Variants in EVL observed in about 807,000 individuals in gnomAD.
The protein encoded by EVL is ena/VASP-like protein.
A neutral mutation model predicts 59.6 loss-of-function variants in EVL; 21 were observed. The observed-to-expected ratio is 0.35, with a 90% CI of 0.25 to 0.51. EVL has a LOEUF of 0.51. Among genes scored for constraint, EVL ranks in the 20% least tolerant of loss-of-function variants. The pLI is 0.97. For synonymous variants in EVL, 198 were observed against 203.5 expected (o/e 0.97, Z 0.23); for missense variants, 462 against 546.6 (o/e 0.85, Z 1.54).
intron 1 of EVL, among the ~76,000 whole-genome samples, chr14:100,039,281 T>C (rs373456423): frequency 6.6e-6 from 1 of 152,236 alleles, no homozygotes; most frequent in Non-Finnish European, 1.5e-5. Flanking sequence ...TTGTTCCCCA[T>C]GCTGGAGTGC....
rs1888094984 is a variant in EVL at position 100,126,713 on chromosome 14, G to A, written c.429G>A (p.Val143=). The part of the protein sequence containing the change: ...PDEMDIQRRQ[V]MEQHQQQRQE... Reference sequence around the variant, plus strand: ...TGCTGTGATTACTTTCCAGACAAGTGATGGAGCAGCACCAGCAGCAGCGTC... The same window carrying A: ...TGCTGTGATTACTTTCCAGACAAGTAATGGAGCAGCACCAGCAGCAGCGTC... The change falls in exon 5 of 14, where the codon GTG becomes GTA. Residue 143 remains valine (V), a synonymous_variant. Coordinates refer to ENST00000392920, the MANE Select transcript of EVL (RefSeq NM_016337.3). The A allele has an allele frequency of 1.2e-6, 2 of 1,613,988 alleles. No individual in the cohort carries two copies. Among genetic ancestry groups the A allele is most frequent in the African/African-American group, 2.7e-5 (2 of 74,922 alleles).
At chr14:100,016,427 G>A (rs1417950987) in intron 1 of EVL, among the ~76,000 whole-genome samples, 1 of 152,120 alleles carries the variant, frequency 6.6e-6, no homozygotes, top group Non-Finnish European at 1.5e-5. Context: ...TACTCGGGAG[G>A]CTGAAGCACG....
intron 2 of EVL, among the ~76,000 whole-genome samples, chr14:100,094,015 T>C (rs372128948): frequency 2.6e-5 from 4 of 152,314 alleles, no homozygotes; most frequent in South Asian, 4.1e-4. Context: ...TATGTATGTA[T>C]AGGAAAAAAC....
chr14:99,999,843 T>C (rs987188007), intron 1 of EVL, among the ~76,000 whole-genome samples: 1 of 152,212 alleles, frequency 6.6e-6, no homozygotes, highest in Admixed American at 6.5e-5. Context: ...GATCAACAGA[T>C]GCCCTCAGGG....
chr14:100,085,087 G>A (rs533365110), intron 2 of EVL: 43 of 433,838 alleles, frequency 9.9e-5, no homozygotes, highest in Non-Finnish European at 1.2e-4. Flanking sequence ...ACAGTAATCC[G>A]CACCCTGCCT....
intron 1 of EVL, among the ~76,000 whole-genome samples, chr14:99,981,401 G>T (rs1047996747): frequency 6.6e-6 from 1 of 151,992 alleles, no homozygotes; most frequent in African/African-American, 2.4e-5. Context: ...ATTGCACTCC[G>T]GCCTGGGCAA....
At chr14:100,132,167 A>G (rs1410303037) in intron 7 of EVL, among the ~76,000 whole-genome samples, 2 of 151,374 alleles carry the variant, frequency 1.3e-5, no homozygotes, top group South Asian at 4.2e-4. Flanking sequence ...AGGTGCACGA[A>G]CCGACTCAAG....
chr14:100,098,913 T>G (rs1275606729), intron 3 of EVL, among the ~76,000 whole-genome samples: 1 of 152,188 alleles, frequency 6.6e-6, no homozygotes, highest in African/African-American at 2.4e-5. Context: ...TCAGGTTGCC[T>G]GGCCTAGTAA....
intron 1 of EVL, among the ~76,000 whole-genome samples, chr14:99,999,372 C>T (rs1035990559): frequency 6.6e-6 from 1 of 152,216 alleles, no homozygotes; most frequent in African/African-American, 2.4e-5. Flanking sequence ...ACCTCTCTGT[C>T]CCTCAGGTTC....
chr14:100,131,423 C>G (rs1277142954), intron 7 of EVL, among the ~76,000 whole-genome samples: 2 of 152,184 alleles, frequency 1.3e-5, no homozygotes, highest in Non-Finnish European at 2.9e-5. Flanking sequence ...CTGGGTGGAG[C>G]CGACGATGAA....
intron 1 of EVL, chr14:99,977,122 C>G (rs1242770569): frequency 6.6e-6 from 1 of 152,158 alleles, no homozygotes. Context: ...ACAGTGACAC[C>G]TATTTTCTTG....
At chr14:99,992,324 G>T (rs2060880847) in intron 1 of EVL, among the ~76,000 whole-genome samples, 1 of 151,910 alleles carries the variant, frequency 6.6e-6, no homozygotes, top group African/African-American at 2.4e-5. Context: ...TGAGCTATAG[G>T]AGTCCCTTAT....
intron 4 of EVL, among the ~76,000 whole-genome samples, chr14:100,125,060 A>C (rs554354847): frequency 6.6e-6 from 1 of 151,108 alleles, no homozygotes; most frequent in East Asian, 2.0e-4. Context: ...ACACACACAC[A>C]CACCTGCTCC....
chr14:100,052,262 G>A (rs2061659160), intron 1 of EVL, among the ~76,000 whole-genome samples: 1 of 152,186 alleles, frequency 6.6e-6, no homozygotes, highest in African/African-American at 2.4e-5. Context: ...GTTTGACAGA[G>A]CAGACAGGCT....
chr14:100,128,477 G>C, intron 5 of EVL, 42 bp from the exon 6 acceptor site: 1 of 1,607,900 alleles, frequency 6.2e-7, no homozygotes, highest in Non-Finnish European at 8.5e-7. Flanking sequence ...TTGGCCCCCA[G>C]CTGGGTGCTG....
At chr14:100,016,285 C>T (rs2061049565) in intron 1 of EVL, among the ~76,000 whole-genome samples, 1 of 152,076 alleles carries the variant, frequency 6.6e-6, no homozygotes, top group Admixed American at 6.5e-5. Context: ...AATCCCAGCA[C>T]TTTGGGAGGC....
chr14:100,097,960 A>G (rs1212437560), intron 3 of EVL, among the ~76,000 whole-genome samples: 3 of 152,234 alleles, frequency 2.0e-5, no homozygotes, highest in African/African-American at 4.8e-5. Flanking sequence ...TTCCAGAGCA[A>G]ACATTTGAGA....
At chr14:99,991,526 A>T (rs1172671460) in intron 1 of EVL, among the ~76,000 whole-genome samples, 2 of 152,212 alleles carry the variant, frequency 1.3e-5, no homozygotes, top group African/African-American at 4.8e-5. Context: ...GTTTTCTAGG[A>T]TTTGGCATTT....
intron 1 of EVL, among the ~76,000 whole-genome samples, chr14:99,981,786 A>G (rs902236717): frequency 1.3e-5 from 2 of 152,248 alleles, no homozygotes; most frequent in African/African-American, 4.8e-5. Context: ...CAAAGTGAGC[A>G]TAGGGTATTG....
Sources: gnomAD v4.1 joint callset for allele counts (sites outside exome capture counted in the v4.1 genomes callset) on GRCh38, gnomAD v4.1.1 for gene constraint, MANE v1.5 for transcripts, NCBI Gene and HGNC (gene_info 2026-07-23, HGNC 2026-07-21) for gene names.